Variants in EVC2 observed in about 807,000 individuals in gnomAD.
EVC2 encodes limbin.
EVC2 carries 148 observed loss-of-function variants against 149.3 expected under a neutral mutation model. The observed-to-expected ratio is 0.99, with a 90% CI of 0.87 to 1.14. The LOEUF is 1.14. EVC2 is among the 50% of genes most tolerant of loss of function. The pLI, the probability that EVC2 is intolerant of heterozygous loss-of-function variation, is 0.00. For synonymous variants in EVC2, 776 were observed against 649.9 expected, an observed-to-expected ratio of 1.19 and a Z score of -2.95; for missense variants, 1,854 against 1,627.3, an observed-to-expected ratio of 1.14 and a Z score of -2.40.
chr4:5,533,661 C>T, the EVC2 span, among the ~76,000 whole-genome samples: 3 of 152,212 alleles, frequency 2.0e-5, no homozygotes, highest in Non-Finnish European at 4.4e-5. Flanking sequence ...GCTTGTTCCC[C>T]TGCACTACCC....
intron 16 of EVC2, among the ~76,000 whole-genome samples, chr4:5,611,731 T>C (rs1308958179): frequency 6.6e-6 from 1 of 151,666 alleles, no homozygotes; most frequent in African/African-American, 2.4e-5. Flanking sequence ...TATTCTGTAC[T>C]TGCCACCAAG....
chr4:5,592,408 T>C lies in EVC2; in HGVS notation c.2830-7558A>G, dbSNP rs573086336. On this transcript the variant is annotated intron_variant, in intron 16 of 21. Transcript: ENST00000344408. ...ACAACCTCCAGTGGCAAAAGAGGCATTGAGAGAGGTCTTATTGTTACAGTA... is the reference window on the plus strand; with the variant it reads ...ACAACCTCCAGTGGCAAAAGAGGCACTGAGAGAGGTCTTATTGTTACAGTA... Among the ~76,000 whole-genome samples the C allele has an allele frequency of 7.6e-4, 116 of 152,234 alleles. 2 individuals carry two copies. Among genetic ancestry groups the C allele is most frequent in the South Asian group, 5.6e-3 (27 of 4,818 alleles).
rs376296662 is a variant in EVC2, at chr4:5,678,946, G to A, written c.870+2314C>T. On this transcript the variant is annotated intron_variant, in intron 7 of 21. Transcript: ENST00000344408. ...CTTGGGAGGCTGAGGCAGGAGAATC[G>A]CTTGAATCTGGGAGGCAGAGGTTGC... is the stretch of plus-strand genomic sequence containing the variant. 3.9e-4 allele frequency among the ~76,000 whole-genome samples: 60 copies of A among 151,998 alleles called. 1 individual carries two copies. The East Asian group carries it at 4.3e-3, about 11-fold the overall frequency.
At chr4:5,584,930 G>A in intron 16 of EVC2, 80 bp from the exon 17 acceptor site, 1 of 1,474,220 alleles carries the variant, frequency 6.8e-7, no homozygotes, top group Non-Finnish European at 9.4e-7. Flanking sequence ...GCCTTTCAGA[G>A]TTCACAGACC....
intron 11 of EVC2, among the ~76,000 whole-genome samples, chr4:5,630,261 A>G (rs899463902): frequency 2.0e-5 from 3 of 152,124 alleles, no homozygotes; most frequent in Non-Finnish European, 4.4e-5. Context: ...CTCAGCCCTC[A>G]TGCGCTCGGC....
At chr4:5,689,702 G>C (rs1359637166) in intron 4 of EVC2, among the ~76,000 whole-genome samples, 1 of 152,192 alleles carries the variant, frequency 6.6e-6, no homozygotes, top group African/African-American at 2.4e-5. Context: ...TTGGTACTTA[G>C]TTATTTTGAA....
Position 5,685,363 on chromosome 4 carries a change from G to T in EVC2, c.816+7C>A, listed in dbSNP as rs1560223636. Reference sequence around the variant, plus strand: ...CAAGACAGAGATTAAAGTAACAAAGGTCATACCCGTGACGAGCTCTGAAAG... The same window carrying T: ...CAAGACAGAGATTAAAGTAACAAAGTTCATACCCGTGACGAGCTCTGAAAG... On this transcript the variant is annotated splice_region_variant and intron_variant, in intron 6 of 21. Coordinates refer to ENST00000344408, the MANE Select transcript of EVC2 (RefSeq NM_147127.5). 3 of 1,613,492 alleles carry T rather than the reference G, an allele frequency of 1.9e-6. No homozygotes were observed. The highest frequency in any genetic ancestry group is 1.7e-4 in the Middle Eastern group (1 of 6,060).
chr4:5,691,407 T>C (rs955121569), intron 3 of EVC2, 74 bp from the exon 4 acceptor site: 13 of 1,276,436 alleles, frequency 1.0e-5, no homozygotes, highest in Admixed American at 1.9e-5. Flanking sequence ...AAGTACAAGA[T>C]AATGAAATTT....
chr4:5,708,587 CCCGCCGCCGAGCATGCTCAGTGCGAG>C (rs1722375545), upstream of EVC2: 2 of 1,137,752 alleles, frequency 1.8e-6, no homozygotes, highest in Non-Finnish European at 2.3e-6. Context: ...CCAGGCCCGC[CCCGCCGCCGAGCATGCTCAGTGCGAG>C]CCGCCGCCGA....
chr4:5,678,224 G>T (rs1363401989), intron 7 of EVC2, among the ~76,000 whole-genome samples: 2 of 152,138 alleles, frequency 1.3e-5, no homozygotes, highest in Non-Finnish European at 2.9e-5. Flanking sequence ...TTCCTTCTGG[G>T]AGTCTGGAAT....
downstream of EVC2, among the ~76,000 whole-genome samples, chr4:5,560,797 T>A (rs76005929): frequency 1.3e-5 from 2 of 152,294 alleles, no homozygotes; most frequent in African/African-American, 4.8e-5. This position sits in a 1 kb window ranked among gnomAD's most constrained non-coding sequence, Gnocchi z 4.1. Context: ...GACATTAGGA[T>A]CTTTGTTTTA....
At chr4:5,557,253 G>A (rs181268535) in intron 21 of EVC2, among the ~76,000 whole-genome samples, 19 of 152,270 alleles carry the variant, frequency 1.2e-4, no homozygotes, top group Admixed American at 3.3e-4. Context: ...TCCCAGGTAT[G>A]CAAGGCTGGT....
chr4:5,658,819 G>A (rs1388116724), intron 9 of EVC2, among the ~76,000 whole-genome samples: 5 of 152,166 alleles, frequency 3.3e-5, no homozygotes, highest in African/African-American at 7.2e-5. Context: ...AAATAAGATC[G>A]CAGGCGAGAG....
chr4:5,639,719 G>A (rs774871892), intron 10 of EVC2, among the ~76,000 whole-genome samples: 33 of 152,218 alleles, frequency 2.2e-4, no homozygotes, highest in Admixed American at 5.9e-4. Flanking sequence ...AGGGGGACAC[G>A]TGGACTCTGA....
rs1715050501 is a variant in EVC2, at chr4:5,614,047, A to G, written c.2829+1375T>C. 6.6e-6 allele frequency among the ~76,000 whole-genome samples: 1 copy of G among 152,232 alleles called. No homozygotes were observed. Among genetic ancestry groups the G allele is most frequent in the Non-Finnish European group, 1.5e-5 (1 of 68,044 alleles). On this transcript the variant is annotated intron_variant, in intron 16 of 21. Coordinates refer to ENST00000344408, the MANE Select transcript of EVC2 (RefSeq NM_147127.5). The surrounding 1 kb of genome is among the most constrained non-coding windows in gnomAD (Gnocchi z 4.7). ...CAGCAGCTCTAAAGCATGGCTTCATACATTCATTCACTGAACATACTCCTG... is the reference window on the plus strand; with the variant it reads ...CAGCAGCTCTAAAGCATGGCTTCATGCATTCATTCACTGAACATACTCCTG...
intron 9 of EVC2, among the ~76,000 whole-genome samples, chr4:5,650,630 T>TAGAGAGAGAGAG (rs1477699429): frequency 2.9e-5 from 2 of 67,922 alleles, no homozygotes; most frequent in Non-Finnish European, 6.1e-5. Context: ...TATATATATA[T>TAGAGAGAGAGAG]ATATATATAG....
At chr4:5,546,750 T>C (rs962590333) in intron 21 of EVC2, among the ~76,000 whole-genome samples, 1 of 151,332 alleles carries the variant, frequency 6.6e-6, no homozygotes, top group Non-Finnish European at 1.5e-5. Context: ...GGAACTGACA[T>C]AGCTATTACA....
At chr4:5,533,463 T>A in the EVC2 span, among the ~76,000 whole-genome samples, 1 of 152,118 alleles carries the variant, frequency 6.6e-6, no homozygotes. Flanking sequence ...TGGATGGCTT[T>A]TCAGGGCATA....
chr4:5,584,995 G>T, intron 16 of EVC2, 145 bp from the exon 17 acceptor site: 1 of 866,568 alleles, frequency 1.2e-6, no homozygotes, highest in Non-Finnish European at 1.9e-6. Flanking sequence ...GGAACCTGCA[G>T]GGAGCAACAT....
Sources: allele counts gnomAD v4.1 joint callset (sites outside exome capture counted in the v4.1 genomes callset), GRCh38; gene constraint gnomAD v4.1.1; non-coding constraint Gnocchi (gnomAD v3.1); transcripts MANE v1.5; gene names NCBI Gene and HGNC (gene_info 2026-07-23, HGNC 2026-07-21).